STK39: variants seen among roughly 807,000 people sequenced by gnomAD.
STK39 encodes STE20/SPS1-related proline-alanine-rich protein kinase.
A neutral mutation model predicts 77.8 loss-of-function variants in STK39; 20 were observed. The ratio of observed to expected loss-of-function variants is 0.26; its 90% confidence interval spans 0.18 to 0.37. The LOEUF (loss-of-function observed/expected upper bound fraction) is 0.37. Ranked by LOEUF, STK39 falls within the 10% of genes least tolerant of loss-of-function variation. The pLI, the probability that STK39 is intolerant of heterozygous loss-of-function variation, is 1.00. For missense variants in STK39, 479 were observed against 656.5 expected (o/e 0.73, Z 2.95); for synonymous variants, 246 against 234.1 (o/e 1.05, Z -0.47).
At chr2:168,099,735 G>C (rs890101583) in intron 10 of STK39, among the ~76,000 whole-genome samples, 8 of 152,176 alleles carry the variant, frequency 5.3e-5, no homozygotes, top group African/African-American at 1.9e-4. Context: ...CTGACCTTCA[G>C]AATTTCTTCA....
At chr2:168,235,401 G>A (rs1347077971) in intron 1 of STK39, among the ~76,000 whole-genome samples, 1 of 151,650 alleles carries the variant, frequency 6.6e-6, no homozygotes, top group Non-Finnish European at 1.5e-5. Context: ...TGTGATATAA[G>A]TGGAAGAAAA....
chr2:168,018,538 A>AAAAGAAAGAAAAAG (rs1553514700), intron 14 of STK39, among the ~76,000 whole-genome samples: 24 of 85,430 alleles, frequency 2.8e-4, no homozygotes, highest in Non-Finnish European at 4.5e-4. Flanking sequence ...GAAAAGAAAG[A>AAAAGAAAGAAAAAG]AAAGAAAGAA....
intron 7 of STK39, among the ~76,000 whole-genome samples, chr2:168,139,031 C>T (rs1405142488): frequency 6.6e-6 from 1 of 152,148 alleles, no homozygotes; most frequent in Non-Finnish European, 1.5e-5. Flanking sequence ...ACATGTCAAG[C>T]CTCTTTTCAA....
rs114633166 is a variant in STK39 at position 168,237,885 on chromosome 2, C to T, written c.208+9343G>A. The stretch of plus-strand genomic sequence containing the variant: ...CTGCCATTCCTTCCCCAGGAAACCC[C>T]GTCTGCTGCTCCTCTTCCTTTGCTT... On this transcript the variant is annotated intron_variant, in intron 1 of 17. Transcript: ENST00000355999. 1.9e-3 allele frequency among the ~76,000 whole-genome samples: 282 copies of T among 152,220 alleles called. 1 individual carries two copies. The highest frequency in any genetic ancestry group is 6.3e-3 in the African/African-American group (263 of 41,518).
intron 16 of STK39, among the ~76,000 whole-genome samples, chr2:167,999,938 C>T (rs1683958357): frequency 6.6e-6 from 1 of 152,194 alleles, no homozygotes; most frequent in Non-Finnish European, 1.5e-5. Flanking sequence ...CTTGTGGGCA[C>T]TGGTGTCCTC....
intron 14 of STK39, among the ~76,000 whole-genome samples, chr2:168,030,701 C>A (rs555525339): frequency 6.6e-6 from 1 of 152,272 alleles, no homozygotes; most frequent in Admixed American, 6.5e-5. Flanking sequence ...AAGTATTTCC[C>A]CTTTTGATCC....
intron 5 of STK39, among the ~76,000 whole-genome samples, chr2:168,147,583 G>A (rs1408769660): frequency 6.8e-6 from 1 of 146,250 alleles, no homozygotes; most frequent in African/African-American, 2.5e-5. Flanking sequence ...ACTTATGCCC[G>A]GTACACATGG....
In STK39 at chr2:168,026,712, C is replaced by A. The variant is rs139083070; in HGVS notation, c.1377-9617G>T. Among the ~76,000 whole-genome samples the A allele has an allele frequency of 3.4e-3, 519 of 152,316 alleles. 2 individuals carry two copies. The highest frequency in any genetic ancestry group is 0.012 in the African/African-American group (502 of 41,572). ...CCCTGCACTCAGTTAAGAATTGCTG[C>A]ATGCAGTGAGAGGCACTATAGACGG... On this transcript the variant is annotated intron_variant, in intron 14 of 17. Coordinates refer to ENST00000355999, the MANE Select transcript of STK39 (RefSeq NM_013233.3).
At chr2:168,207,829 C>A (rs985172935) in intron 1 of STK39, among the ~76,000 whole-genome samples, 3 of 152,140 alleles carry the variant, frequency 2.0e-5, no homozygotes, top group Non-Finnish European at 2.9e-5. Flanking sequence ...AGTGATTTTT[C>A]CAACGTCAAA....
At chr2:168,176,580 A>G (rs890507507) in intron 2 of STK39, among the ~76,000 whole-genome samples, 1 of 152,180 alleles carries the variant, frequency 6.6e-6, no homozygotes, top group African/African-American at 2.4e-5. Flanking sequence ...CAACAAAACA[A>G]CGCTACAGCA....
chr2:168,090,238 G>T (rs1226379608), intron 10 of STK39, among the ~76,000 whole-genome samples: 1 of 152,186 alleles, frequency 6.6e-6, no homozygotes, highest in Non-Finnish European at 1.5e-5. Context: ...CATCTGTTCT[G>T]TGTCCCTATA....
chr2:168,094,384 T>C lies in STK39; in HGVS notation c.1090-19153A>G, dbSNP rs567717869. On this transcript the variant is annotated intron_variant, in intron 10 of 17. Transcript: ENST00000355999. Reference sequence around the variant, plus strand: ...TCCCCCTCCACACTGAACTTTTGAATAGACACAGGTCTCCACTGACCTCAG... The same window carrying C: ...TCCCCCTCCACACTGAACTTTTGAACAGACACAGGTCTCCACTGACCTCAG... Among the ~76,000 whole-genome samples the C allele has an allele frequency of 2.6e-5, 4 of 152,328 alleles. No individual in the cohort carries two copies. In the South Asian group the frequency reaches 8.3e-4, roughly 32 times the overall value.
chr2:168,222,673 A>C (rs1202335685), intron 1 of STK39, among the ~76,000 whole-genome samples: 1 of 152,204 alleles, frequency 6.6e-6, no homozygotes, highest in Non-Finnish European at 1.5e-5. Flanking sequence ...TAAGGTTTGA[A>C]AAGAGAACTT....
chr2:168,105,749 G>A (rs576214727), intron 10 of STK39, among the ~76,000 whole-genome samples: 2 of 152,276 alleles, frequency 1.3e-5, no homozygotes, highest in African/African-American at 2.4e-5. Flanking sequence ...ATAACCAAAA[G>A]GGCAAGACCT....
intron 10 of STK39, among the ~76,000 whole-genome samples, chr2:168,121,945 C>T (rs1192686832): frequency 6.6e-6 from 1 of 152,212 alleles, no homozygotes; most frequent in Non-Finnish European, 1.5e-5. Context: ...TTGCTGTTTC[C>T]AGACCAGGCA....
chr2:167,995,830 T>A (rs367945284), intron 16 of STK39, among the ~76,000 whole-genome samples: 2 of 152,284 alleles, frequency 1.3e-5, no homozygotes, highest in African/African-American at 4.8e-5. Context: ...CCAGAAATTG[T>A]CAGAGAGCTG....
intron 14 of STK39, among the ~76,000 whole-genome samples, chr2:168,032,901 T>A (rs1193490146): frequency 6.6e-6 from 1 of 152,204 alleles, no homozygotes; most frequent in Middle Eastern, 3.2e-3. Flanking sequence ...TTAAGAAAAT[T>A]ACTTGGTTTA....
At chr2:168,106,633 A>T (rs1019586157) in intron 10 of STK39, among the ~76,000 whole-genome samples, 2 of 152,090 alleles carry the variant, frequency 1.3e-5, no homozygotes, top group African/African-American at 4.8e-5. Context: ...CAGCCTGGGC[A>T]ACATAGAGAA....
At chr2:168,210,735 G>C (rs1689869105) in intron 1 of STK39, among the ~76,000 whole-genome samples, 2 of 152,000 alleles carry the variant, frequency 1.3e-5, no homozygotes, top group Non-Finnish European at 2.9e-5. Flanking sequence ...AGCCAGGCTG[G>C]TCTCAAACCC....
Sources: gnomAD v4.1 joint callset for allele counts (sites outside exome capture counted in the v4.1 genomes callset) on GRCh38, gnomAD v4.1.1 for gene constraint, MANE v1.5 for transcripts, NCBI Gene and HGNC (gene_info 2026-07-23, HGNC 2026-07-21) for gene names.